The following STK32B variants were observed in gnomAD, a reference collection of about 807,000 sequenced individuals.
STK32B encodes the protein serine/threonine-protein kinase 32B.
STK32B carries 43 observed loss-of-function variants against 52.6 expected under a neutral mutation model. The ratio of observed to expected loss-of-function variants is 0.82; its 90% CI spans 0.64 to 1.05. STK32B has a LOEUF of 1.05. STK32B is among the 50% of genes least tolerant of loss of function. The probability of loss-of-function intolerance (pLI) is 0.00; values close to 1 mark genes in which losing one functional copy is unlikely to be tolerated. For synonymous variants in STK32B, 238 were observed against 204.3 expected, an observed-to-expected ratio of 1.17 and a Z score of -1.41; for missense variants, 621 against 534.6, an observed-to-expected ratio of 1.16 and a Z score of -1.59.
At chr4:5,178,297 A>G (rs974502334) in intron 3 of STK32B, among the ~76,000 whole-genome samples, 1 of 152,214 alleles carries the variant, frequency 6.6e-6, no homozygotes, top group Non-Finnish European at 1.5e-5. Flanking sequence ...GCCTGACCTG[A>G]ACTTTGGCCT....
At position 5,089,058 on chromosome 4, in the gene STK32B, T is replaced by C. The variant is rs570230464; in HGVS notation, c.52+37143T>C. ...TTGTCAAGCCTTTTACCTAGACTGA[T>C]TGAGAAAGAAAGATGACTGAAAGTA... On this transcript the variant is annotated intron_variant, in intron 1 of 11. Transcript: ENST00000282908. 2.6e-5 allele frequency among the ~76,000 whole-genome samples: 4 copies of C among 152,004 alleles called. No individual in the cohort carries two copies. The East Asian group carries it at 7.8e-4, about 30-fold the overall frequency.
Position 5,400,511 on chromosome 4 carries a change from C to T in STK32B, c.472+2267C>T, listed in dbSNP as rs1023199057. 1.3e-5 allele frequency among the ~76,000 whole-genome samples: 2 copies of T among 152,150 alleles called. No homozygotes were observed. The highest frequency in any genetic ancestry group is 2.1e-4 in the South Asian group (1 of 4,826). On this transcript the variant is annotated intron_variant, in intron 5 of 11. Transcript: ENST00000282908. This position sits in a 1 kb window ranked among gnomAD's most constrained non-coding sequence, Gnocchi z 6.1. ...CTCCCTCTCCAGCCTCCCATTTCAT[C>T]GAAAAGTCTCTGCTAGCTGGTGGGA... is the stretch of plus-strand genomic sequence containing the variant.
intron 3 of STK32B, among the ~76,000 whole-genome samples, chr4:5,180,281 C>T (rs1011708394): frequency 1.5e-4 from 23 of 152,252 alleles, no homozygotes; most frequent in African/African-American, 5.1e-4. Flanking sequence ...GCTTCCAGTT[C>T]TTACAGGTGG....
intron 4 of STK32B, among the ~76,000 whole-genome samples, chr4:5,343,272 C>T (rs979851994): frequency 1.3e-5 from 2 of 152,070 alleles, no homozygotes; most frequent in African/African-American, 4.8e-5. Flanking sequence ...CTACAAAGGA[C>T]ATGACCTCAT....
chr4:5,031,185 G>A, the STK32B span, among the ~76,000 whole-genome samples: 1 of 152,102 alleles, frequency 6.6e-6, no homozygotes, highest in Non-Finnish European at 1.5e-5. Flanking sequence ...TATTTAAAAT[G>A]TACTGATTTA....
intron 3 of STK32B, among the ~76,000 whole-genome samples, chr4:5,185,129 C>T (rs1720648690): frequency 6.6e-6 from 1 of 152,204 alleles, no homozygotes; most frequent in Non-Finnish European, 1.5e-5. Flanking sequence ...GTTAATGGGT[C>T]AGTAGTTCAT....
chr4:5,211,749 A>C (rs1722918364), intron 3 of STK32B, among the ~76,000 whole-genome samples: 1 of 152,168 alleles, frequency 6.6e-6, no homozygotes, highest in East Asian at 1.9e-4. Flanking sequence ...GCAAACAAAC[A>C]ATCTTGCTTC....
chr4:5,051,113 G>C (rs1472119499), upstream of STK32B, among the ~76,000 whole-genome samples: 1 of 152,164 alleles, frequency 6.6e-6, no homozygotes, highest in African/African-American at 2.4e-5. Flanking sequence ...ATCCCAATAT[G>C]AATGGGCAAA....
At position 5,371,745 on chromosome 4, in the gene STK32B, G is replaced by A. The variant is rs546078619; in HGVS notation, c.435-26462G>A. Among the ~76,000 whole-genome samples, 294 of 152,326 alleles carry A rather than the reference G, an allele frequency of 1.9e-3. 2 individuals carry two copies. Among genetic ancestry groups the A allele is most frequent in the African/African-American group, 5.3e-3 (220 of 41,572 alleles). ...CTGCCACTGCAACAAGAAAGCAGCC[G>A]TAATAAACAGTGCATCTGTGAACAG... On this transcript the variant is annotated intron_variant, in intron 4 of 11. Coordinates refer to ENST00000282908, the MANE Select transcript of STK32B (RefSeq NM_018401.3).
upstream of STK32B, among the ~76,000 whole-genome samples, chr4:5,048,987 A>C (rs570041515): frequency 1.3e-5 from 2 of 152,332 alleles, no homozygotes; most frequent in South Asian, 2.1e-4. Flanking sequence ...GGACATGCAG[A>C]GTTCTCAATA....
rs148105255 is a variant in STK32B, at chr4:5,303,455, ATGTT to A, written c.261-27760_261-27757del. Among the ~76,000 whole-genome samples the A allele has an allele frequency of 6.4e-3, 972 of 152,026 alleles. 9 individuals are homozygous for A. The highest frequency in any genetic ancestry group is 0.023 in the African/African-American group (936 of 41,484). On this transcript the variant is annotated intron_variant, in intron 3 of 11. Transcript: ENST00000282908. ...TTAGTGATGTTGAGCATTTTTTCAC[ATGTT>A]TGTTGGTCATTTGTATATTGTCTCT... is the stretch of plus-strand genomic sequence containing the variant.
chr4:5,112,614 A>G (rs1373382432), intron 1 of STK32B, among the ~76,000 whole-genome samples: 1 of 152,150 alleles, frequency 6.6e-6, no homozygotes, highest in Non-Finnish European at 1.5e-5. Context: ...TGTTAATCTC[A>G]TTTCCAAACA....
chr4:5,357,957 C>A (rs576136158), intron 4 of STK32B, among the ~76,000 whole-genome samples: 1 of 151,600 alleles, frequency 6.6e-6, no homozygotes, highest in Non-Finnish European at 1.5e-5. Flanking sequence ...AGTATTCAGA[C>A]GAAAAAAAAT....
chr4:5,159,667 G>A (rs113592822), intron 2 of STK32B, among the ~76,000 whole-genome samples: 1,424 of 24,728 alleles, frequency 0.058, 195 homozygotes, highest in African/African-American at 0.23. Flanking sequence ...ATATATGAAT[G>A]TATATGAATA....
intron 5 of STK32B, among the ~76,000 whole-genome samples, chr4:5,411,163 G>A (rs1049003274): frequency 6.6e-6 from 1 of 152,032 alleles, no homozygotes; most frequent in African/African-American, 2.4e-5. Flanking sequence ...AGCTTCCCAA[G>A]TAACTGGGAC....
chr4:5,245,562 G>C (rs959037679), intron 3 of STK32B, among the ~76,000 whole-genome samples: 1 of 152,198 alleles, frequency 6.6e-6, no homozygotes, highest in Non-Finnish European at 1.5e-5. Flanking sequence ...GGAGCATTTA[G>C]CCCATTTACA....
chr4:5,213,309 T>G (rs1440834575), intron 3 of STK32B, among the ~76,000 whole-genome samples: 1 of 152,192 alleles, frequency 6.6e-6, no homozygotes, highest in Non-Finnish European at 1.5e-5. Flanking sequence ...TCATTTTGCT[T>G]TCATCCTTGT....
At position 5,331,389 on chromosome 4, in the gene STK32B, C is replaced by T; in HGVS notation, c.430C>T (p.His144Tyr). The T allele has an allele frequency of 6.2e-7, 1 of 1,609,522 alleles. No homozygotes were observed. Among genetic ancestry groups the T allele is most frequent in the Non-Finnish European group, 8.5e-7 (1 of 1,177,390 alleles). Residue 144 changes from histidine to tyrosine, a missense_variant, in exon 4 of 12, where the codon CAC (histidine) becomes TAC (tyrosine). Physicochemically the swap from His to Tyr is moderately conservative, Grantham distance 83. Coordinates refer to ENST00000282908, the MANE Select transcript of STK32B (RefSeq NM_018401.3). ...GTATCTTCAGAGGTACCACATCATC[C>T]ACAGGTAACTGGGCTGCTGGCGGGA... ...LEYLQRYHII[H>Y]RDIKPDNILL...
intron 2 of STK32B, among the ~76,000 whole-genome samples, chr4:5,141,949 T>G (rs1367562532): frequency 2.0e-5 from 3 of 151,400 alleles, no homozygotes; most frequent in African/African-American, 4.9e-5. Flanking sequence ...AGAGAAGGAC[T>G]TCCCCCCTGG....
Sources: gnomAD v4.1 joint callset for allele counts (sites outside exome capture counted in the v4.1 genomes callset) on GRCh38, gnomAD v4.1.1 for gene constraint, Gnocchi (gnomAD v3.1) non-coding constraint, MANE v1.5 for transcripts, NCBI Gene and HGNC (gene_info 2026-07-23, HGNC 2026-07-21) for gene names.